The following DLGAP4 variants were observed in gnomAD, a reference collection of about 807,000 sequenced individuals.
The protein encoded by DLGAP4 is DLG associated protein 4.
Under a neutral mutation model 86.9 loss-of-function variants are expected in DLGAP4, and 18 were observed. The ratio of observed to expected loss-of-function variants is 0.21; its 90% CI spans 0.14 to 0.31. The LOEUF is 0.31. Ranked by LOEUF, DLGAP4 falls within the 10% of genes least tolerant of loss-of-function variation. The pLI is 1.00. For missense variants in DLGAP4, 1,085 were observed against 1,362.6 expected (o/e 0.80, Z 3.21); for synonymous variants, 548 against 574.3 (o/e 0.95, Z 0.65).
intron 5 of DLGAP4, among the ~76,000 whole-genome samples, 164 bp downstream of exon 5, chr20:36,440,032 CCCA>C (rs1444685202): frequency 6.6e-6 from 1 of 152,174 alleles, no homozygotes; most frequent in Admixed American, 6.5e-5. Flanking sequence ...GTGTCTCTGC[CCCA>C]CCAACTGTCC....
chr20:36,356,065 G>C (rs2030316720), intron 1 of DLGAP4, among the ~76,000 whole-genome samples: 1 of 152,236 alleles, frequency 6.6e-6, no homozygotes, highest in Non-Finnish European at 1.5e-5. Context: ...ACTGGCGCTG[G>C]AACAGCTGCC....
chr20:36,336,048 AGTT>A (rs2065318571), intron 1 of DLGAP4, among the ~76,000 whole-genome samples: 1 of 152,158 alleles, frequency 6.6e-6, no homozygotes, highest in African/African-American at 2.4e-5. Flanking sequence ...CCAGAGGGAC[AGTT>A]CCCTTTAGAG....
At chr20:36,506,103 A>G (rs965277743) in intron 10 of DLGAP4, among the ~76,000 whole-genome samples, 2 of 152,298 alleles carry the variant, frequency 1.3e-5, no homozygotes, top group South Asian at 4.1e-4. Flanking sequence ...CTTACAGCAC[A>G]TCTTAATTCA....
intron 10 of DLGAP4, among the ~76,000 whole-genome samples, chr20:36,507,112 T>C (rs936434350): frequency 6.6e-6 from 1 of 152,220 alleles, no homozygotes; most frequent in East Asian, 1.9e-4. Context: ...TGAATAATGT[T>C]TCCTGTCTCT....
Position 36,432,436 on chromosome 20 carries a change from G to A in DLGAP4, c.719G>A (p.Arg240His), listed in dbSNP as rs775417696. The change falls in exon 3 of 13, where the codon CGC becomes CAC. Residue 240 changes from arginine to histidine, a missense_variant. Physicochemically the swap from Arg to His is conservative, Grantham distance 29. Transcript: ENST00000339266. This position sits in a 1 kb window ranked among gnomAD's most constrained non-coding sequence, Gnocchi z 6.5. ...CGCCAGGCAGAACGCAGCCAGCCAC[G>A]CTACTTCATGCACGCCTACAACACC... ...LGRQAERSQP[R>H]YFMHAYNTIS... 14 of 1,613,782 alleles carry A rather than the reference G, an allele frequency of 8.7e-6. No homozygotes were observed. The East Asian group carries it at 8.9e-5, about 10-fold the overall frequency.
intron 7 of DLGAP4, among the ~76,000 whole-genome samples, chr20:36,489,804 C>G (rs2035580064): frequency 6.6e-6 from 1 of 151,358 alleles, no homozygotes; most frequent in African/African-American, 2.4e-5. Context: ...AGAGGGGCTG[C>G]CAGTCCCTCT....
chr20:36,490,364 C>T (rs564048935), intron 7 of DLGAP4, among the ~76,000 whole-genome samples: 1 of 151,992 alleles, frequency 6.6e-6, no homozygotes, highest in Admixed American at 6.6e-5. Flanking sequence ...GGATTTGAGG[C>T]TGGGTGGGTG....
chr20:36,391,460 G>A (rs562137513), intron 2 of DLGAP4, among the ~76,000 whole-genome samples: 6 of 152,180 alleles, frequency 3.9e-5, no homozygotes, highest in South Asian at 2.1e-4. Flanking sequence ...AACTTCAAAC[G>A]CACCCACCAC....
intron 1 of DLGAP4, among the ~76,000 whole-genome samples, chr20:36,365,347 C>T (rs2068503133): frequency 6.6e-6 from 1 of 152,248 alleles, no homozygotes; most frequent in Non-Finnish European, 1.5e-5. Context: ...TCTTTCCCGC[C>T]CTGGCAATTT....
intron 7 of DLGAP4, among the ~76,000 whole-genome samples, chr20:36,453,124 C>T (rs947445289): frequency 6.6e-6 from 1 of 152,144 alleles, no homozygotes; most frequent in African/African-American, 2.4e-5. Context: ...TGAGTCACCA[C>T]GCCTGGCCCC....
chr20:36,520,079 G>A (rs2037284370), intron 10 of DLGAP4, among the ~76,000 whole-genome samples: 1 of 151,856 alleles, frequency 6.6e-6, no homozygotes, highest in Non-Finnish European at 1.5e-5. Context: ...ACAGGCAGGA[G>A]CCTTGATAGC....
rs761560059 is a variant in DLGAP4 at position 36,432,141 on chromosome 20, C to T, written c.424C>T (p.Leu142=). Residue 142 remains leucine (L), a synonymous_variant, in exon 3 of 13, where the codon CTG becomes TTG. Transcript: ENST00000339266. The surrounding 1 kb of genome is among the most constrained non-coding windows in gnomAD (Gnocchi z 6.5). ...RGESPGRIRH[L]VHSVQRLFFT... Reference sequence around the variant, plus strand: ...TGAGAGCCCTGGCCGCATCCGCCACCTGGTCCACTCAGTCCAGCGGCTTTT... The same window carrying T: ...TGAGAGCCCTGGCCGCATCCGCCACTTGGTCCACTCAGTCCAGCGGCTTTT... 6.2e-7 allele frequency: 1 copy of T among 1,614,226 alleles called. No individual in the cohort carries two copies. The highest frequency in any genetic ancestry group is 2.2e-5 in the East Asian group (1 of 44,876).
intron 7 of DLGAP4, among the ~76,000 whole-genome samples, chr20:36,452,590 A>G (rs1009533440): frequency 2.6e-5 from 4 of 151,084 alleles, no homozygotes; most frequent in Non-Finnish European, 5.9e-5. Context: ...ACTCACTGCA[A>G]TCTCCACTTC....
chr20:36,377,082 C>T (rs1600453901), intron 2 of DLGAP4, among the ~76,000 whole-genome samples: 1 of 152,278 alleles, frequency 6.6e-6, no homozygotes, highest in African/African-American at 2.4e-5. Flanking sequence ...GGCTTGGCTT[C>T]CTGCCTTTCC....
chr20:36,462,060 C>T, intron 7 of DLGAP4: 1 of 988,272 alleles, frequency 1.0e-6, no homozygotes, highest in Non-Finnish European at 1.2e-6. Context: ...GTTTCTTGCA[C>T]ATCCTTTGGG....
chr20:36,386,775 G>A (rs1012225761), intron 2 of DLGAP4, among the ~76,000 whole-genome samples: 4 of 152,186 alleles, frequency 2.6e-5, no homozygotes, highest in East Asian at 3.8e-4. Context: ...TTGTAGGGAC[G>A]AAGTCTCACT....
chr20:36,484,785 T>TG (rs574997356), intron 7 of DLGAP4, among the ~76,000 whole-genome samples: 149 of 152,364 alleles, frequency 9.8e-4, no homozygotes, highest in Middle Eastern at 3.4e-3. Context: ...CAAGGAGGTC[T>TG]GGGGCAGCTG....
intron 2 of DLGAP4, among the ~76,000 whole-genome samples, chr20:36,412,241 G>A (rs958651276): frequency 1.3e-5 from 2 of 152,250 alleles, no homozygotes; most frequent in Non-Finnish European, 2.9e-5. Context: ...GAAACAGGGC[G>A]AGGCAGGTGG....
At chr20:36,483,068 GTAA>G (rs894865585) in intron 7 of DLGAP4, among the ~76,000 whole-genome samples, 35 of 152,258 alleles carry the variant, frequency 2.3e-4, no homozygotes, top group Middle Eastern at 6.8e-3. Context: ...AGGGATGATG[GTAA>G]TAAGGTGTCC....
Sources: allele counts gnomAD v4.1 joint callset (sites outside exome capture counted in the v4.1 genomes callset), GRCh38; gene constraint gnomAD v4.1.1; non-coding constraint Gnocchi (gnomAD v3.1); transcripts MANE v1.5; gene names NCBI Gene and HGNC (gene_info 2026-07-23, HGNC 2026-07-21).